The following INTS11 variants were observed in gnomAD, a reference collection of about 807,000 sequenced individuals.
INTS11 encodes the protein integrator complex subunit 11.
INTS11 carries 77 observed loss-of-function variants against 78.6 expected under a neutral mutation model. The observed-to-expected ratio is 0.98, with a 90% CI of 0.81 to 1.18. INTS11 has a LOEUF of 1.18. Ranked by LOEUF, INTS11 falls within the 50% of genes most tolerant of loss-of-function variation. The pLI is 0.00. For synonymous variants in INTS11, 441 were observed against 326.9 expected (o/e 1.35, Z -3.77); for missense variants, 875 against 825.9 (o/e 1.06, Z -0.73).
intron 1 of INTS11, among the ~76,000 whole-genome samples, chr1:1,322,585 G>A (rs1165455157): frequency 1.8e-5 from 2 of 110,348 alleles, no homozygotes; most frequent in East Asian, 5.1e-4. Context: ...GGGTGGGGAA[G>A]GGATGGTCCA....
chr1:1,319,221 TGTA>T (rs1205858908), intron 4 of INTS11, 72 bp downstream of exon 4: 5 of 1,279,800 alleles, frequency 3.9e-6, no homozygotes, highest in Non-Finnish European at 5.7e-6. Context: ...CCAGAAACTG[TGTA>T]GAACGGGCGG....
chr1:1,312,213 G>GGGGCCCCCCCCCCCCCCCCCCCCC lies in INTS11; in HGVS notation c.1607+12_1607+13insGGGGGGGGGGGGGGGGGGGGGCCC. 1.1e-6 allele frequency: 1 copy of GGGGCCCCCCCCCCCCCCCCCCCCC among 934,626 alleles called. No individual in the cohort carries two copies. Among genetic ancestry groups the GGGGCCCCCCCCCCCCCCCCCCCCC allele is most frequent in the Non-Finnish European group, 1.6e-6 (1 of 636,676 alleles). 57.9% of individuals were successfully genotyped at this position (934,626 alleles called of 1,614,324 possible). A position where few individuals can be genotyped will look rare whatever the true frequency, so the allele number is the denominator to read the frequency against. ...CCCAAGGGAGTGGGGGGGGGGCGGGGCCGGGCGCCCACCTCTTGAGGTGGC... is the reference window on the plus strand; with the variant it reads ...CCCAAGGGAGTGGGGGGGGGGCGGGGGGGCCCCCCCCCCCCCCCCCCCCCCCGGGCGCCCACCTCTTGAGGTGGC... On this transcript the variant is annotated intron_variant, in intron 15 of 16. Transcript: ENST00000435064.
chr1:1,315,637 CG>C lies in INTS11; in HGVS notation c.430-20del. ...CATCTACCTGTGGAGGACAGGGCTG[CG>C]CTCAGGCTGTGTCCTCACAGCAGAG... On this transcript the variant is annotated intron_variant, in intron 4 of 16. Transcript: ENST00000435064. The C allele has an allele frequency of 6.3e-7, 1 of 1,584,700 alleles. No homozygotes were observed. Among genetic ancestry groups the C allele is most frequent in the Non-Finnish European group, 8.6e-7 (1 of 1,160,552 alleles).
intron 1 of INTS11, chr1:1,323,242 C>T (rs1643069012): frequency 6.5e-7 from 1 of 1,550,142 alleles, no homozygotes. Flanking sequence ...CCTCGACCCC[C>T]TGCCCGGTGG....
chr1:1,320,567 C>T (rs376222565), intron 2 of INTS11, 38 bp from the exon 3 acceptor site: 14 of 1,606,816 alleles, frequency 8.7e-6, no homozygotes, highest in Non-Finnish European at 1.1e-5. Context: ...GCACAGTGGT[C>T]TCCAGGCAGC....
At position 1,312,459 on chromosome 1, in the gene INTS11, G is replaced by A. The variant is rs187264376; in HGVS notation, c.1445C>T (p.Thr482Ile). 37 of 1,572,868 alleles carry A rather than the reference G, an allele frequency of 2.4e-5. No individual in the cohort carries two copies. Among genetic ancestry groups the A allele is most frequent in the African/African-American group, 1.8e-4 (13 of 73,908 alleles). The change falls in exon 14 of 17, where the codon ACC becomes ATC. Residue 482 changes from threonine (T) to isoleucine (I), a missense_variant. Coordinates refer to ENST00000435064, the MANE Select transcript of INTS11 (RefSeq NM_017871.6). ...EAKKPRLLHG[T>I]LIMKDSNFRL... ...ACTCACGCTGTCCTTCATGATCAGG[G>A]TGCCGTGCAGGAGCCGAGGCTTCTT...
rs1226231968 is a variant in INTS11 at position 1,312,649 on chromosome 1, C to T, written c.1346G>A (p.Ser449Asn). The part of the protein sequence containing the change: ...ANGETVTLPT[S>N]PSIPVGISLG... ...CGAGATGCCTACGGGGATGCTGGGG[C>T]TTGTGGGCAGCGTCACCGTCTCGCC... The change falls in exon 13 of 17, where the codon AGC becomes AAC. Residue 449 changes from serine (S) to asparagine (N), a missense_variant. Ser to Asn is a conservative substitution (Grantham distance 46). Transcript: ENST00000435064. 3 of 1,593,844 alleles carry T rather than the reference C, an allele frequency of 1.9e-6. No individual in the cohort carries two copies. The highest frequency in any genetic ancestry group is 1.7e-5 in the Admixed American group (1 of 58,860).
rs886571365 is a variant in INTS11, at chr1:1,314,026, C to T, written c.768-105G>A. The T allele has an allele frequency of 1.8e-5, 22 of 1,215,474 alleles. No homozygotes were observed. The Admixed American group carries it at 2.0e-4, about 11-fold the overall frequency. The allele number at this position is 1,215,474 out of a possible 1,614,324, so 75.3% of individuals were successfully genotyped here. On this transcript the variant is annotated intron_variant, in intron 8 of 16. Coordinates refer to ENST00000435064, the MANE Select transcript of INTS11 (RefSeq NM_017871.6). The surrounding 1 kb of genome is among the most constrained non-coding windows in gnomAD (Gnocchi z 4.2). ...CACCCGTGTCTGCACAGCCCACGCACGGGCCAGGTTGAGTCCAGTCGCGAC... is the reference window on the plus strand; with the variant it reads ...CACCCGTGTCTGCACAGCCCACGCATGGGCCAGGTTGAGTCCAGTCGCGAC...
Position 1,312,455 on chromosome 1 carries a change from C to G in INTS11, c.1449G>C (p.Leu483=), listed in dbSNP as rs375000801. 3.1e-5 allele frequency: 49 copies of G among 1,572,064 alleles called. No homozygotes were observed. The highest frequency in any genetic ancestry group is 3.4e-5 in the Non-Finnish European group (39 of 1,159,398). ...TGGCACTCACGCTGTCCTTCATGAT[C>G]AGGGTGCCGTGCAGGAGCCGAGGCT... is the stretch of plus-strand genomic sequence containing the variant. ...AKKPRLLHGT[L]IMKDSNFRLV... is the part of the protein sequence containing the mutation. Residue 483 remains leucine, a synonymous_variant, in exon 14 of 17, where the codon CTG becomes CTC. Coordinates refer to ENST00000435064, the MANE Select transcript of INTS11 (RefSeq NM_017871.6).
chr1:1,319,123 C>A (rs200347460), intron 4 of INTS11, 173 bp downstream of exon 4: 4 of 787,292 alleles, frequency 5.1e-6, no homozygotes, highest in Non-Finnish European at 9.3e-6. Flanking sequence ...GTCTGGGACC[C>A]GCATCCTCGC....
chr1:1,317,049 A>G (rs1466460638), intron 4 of INTS11: 1 of 151,184 alleles, frequency 6.6e-6, no homozygotes, highest in Non-Finnish European at 1.5e-5. Flanking sequence ...CCGCCTCCCA[A>G]ATAGCTGGGA....
intron 10 of INTS11, 69 bp from the exon 11 acceptor site, chr1:1,313,193 G>GC (rs1642345791): frequency 1.3e-6 from 2 of 1,503,754 alleles, no homozygotes; most frequent in Admixed American, 1.9e-5. Context: ...TGCCCGGGAT[G>GC]CCCCCGCCTG....
In INTS11 at chr1:1,319,403, G is replaced by A. The variant is rs1366887266; in HGVS notation, c.322C>T (p.Arg108Cys). 1.9e-6 allele frequency: 3 copies of A among 1,613,196 alleles called. No individual in the cohort carries two copies. The highest frequency in any genetic ancestry group is 2.7e-5 in the African/African-American group (2 of 74,944). Reference protein sequence around the residue: ...AICPILLEDYRKIAVDKKGEA... With the variant: ...AICPILLEDYCKIAVDKKGEA... ...CCCTTCTTGTCTACGGCGATCTTGCGGTAGTCCTCCAGCAAGATGGGGCAG... is the reference window on the plus strand; with the variant it reads ...CCCTTCTTGTCTACGGCGATCTTGCAGTAGTCCTCCAGCAAGATGGGGCAG... The change falls in exon 4 of 17, where the codon CGC becomes TGC. Residue 108 changes from arginine to cysteine, a missense_variant. By Grantham distance (180) the Arg-to-Cys change is radical. Transcript: ENST00000435064.
chr1:1,319,882 G>A, intron 3 of INTS11: 1 of 260,528 alleles, frequency 3.8e-6, no homozygotes, highest in South Asian at 6.2e-5. Flanking sequence ...GGCAAGGGCA[G>A]CGCCTGGCAA....
Position 1,314,582 on chromosome 1 carries a change from G to A in INTS11, c.703-217C>T. ...CATGAGAGACAGAAGGGAGCTGCAT[G>A]AGAGACAGAAGGAGCCTGGCCAGGG... On this transcript the variant is annotated intron_variant, in intron 7 of 16. Transcript: ENST00000435064. The surrounding 1 kb of genome is among the most constrained non-coding windows in gnomAD (Gnocchi z 4.2). 1 of 633,912 alleles carries A rather than the reference G, an allele frequency of 1.6e-6. No individual in the cohort carries two copies. Among genetic ancestry groups the A allele is most frequent in the Non-Finnish European group, 2.7e-6 (1 of 368,584 alleles). 39.3% of individuals were successfully genotyped at this position (633,912 alleles called of 1,614,324 possible). A position where few individuals can be genotyped will look rare whatever the true frequency, so the allele number is the denominator to read the frequency against.
chr1:1,311,961 AC>A (rs771218731), intron 16 of INTS11, 37 bp from the exon 17 acceptor site: 50 of 1,596,594 alleles, frequency 3.1e-5, no homozygotes, highest in Non-Finnish European at 4.0e-5. Context: ...GTGGTGCAGG[AC>A]AGGGAGGAAT....
At position 1,311,935 on chromosome 1, in the gene INTS11, G is replaced by A. The variant is rs376179762; in HGVS notation, c.1738-11C>T. On this transcript the variant is annotated splice_polypyrimidine_tract_variant and intron_variant, in intron 16 of 16. Transcript: ENST00000435064. The stretch of plus-strand genomic sequence containing the variant: ...CCCCAGCTCCTCGTCCTAGGGCAGA[G>A]GCAAAAGCATTGTGGGTGGTGCAGG... 8.8e-6 allele frequency: 14 copies of A among 1,583,784 alleles called. No homozygotes were observed. The highest frequency in any genetic ancestry group is 3.6e-5 in the Admixed American group (2 of 54,928).
chr1:1,315,327 G>C (rs550283947), intron 6 of INTS11, 77 bp downstream of exon 6: 1 of 1,566,020 alleles, frequency 6.4e-7, no homozygotes, highest in Non-Finnish European at 8.8e-7. Flanking sequence ...CCACTCAAGG[G>C]CTGGCACCCT....
At position 1,312,213 on chromosome 1, in the gene INTS11, G is replaced by GGCCCCCCCCCCCCCCCCCCCCC; in HGVS notation, c.1607+12_1607+13insGGGGGGGGGGGGGGGGGGGGGC. On this transcript the variant is annotated intron_variant, in intron 15 of 16. Transcript: ENST00000435064. Reference sequence around the variant, plus strand: ...CCCAAGGGAGTGGGGGGGGGGCGGGGCCGGGCGCCCACCTCTTGAGGTGGC... The same window carrying GGCCCCCCCCCCCCCCCCCCCCC: ...CCCAAGGGAGTGGGGGGGGGGCGGGGGCCCCCCCCCCCCCCCCCCCCCCCGGGCGCCCACCTCTTGAGGTGGC... 1.1e-6 allele frequency: 1 copy of GGCCCCCCCCCCCCCCCCCCCCC among 934,604 alleles called. No individual in the cohort carries two copies. The highest frequency in any genetic ancestry group is 1.6e-6 in the Non-Finnish European group (1 of 636,660). The allele number at this position is 934,604 out of a possible 1,614,324, so 57.9% of individuals were successfully genotyped here.
Sources: allele counts gnomAD v4.1 joint callset (sites outside exome capture counted in the v4.1 genomes callset), GRCh38; gene constraint gnomAD v4.1.1; non-coding constraint Gnocchi (gnomAD v3.1); transcripts MANE v1.5; gene names NCBI Gene and HGNC (gene_info 2026-07-23, HGNC 2026-07-21).